NUMBL: variants seen among roughly 807,000 people sequenced by gnomAD.
NUMBL encodes numb-like protein.
NUMBL carries 20 observed loss-of-function variants against 48.9 expected under a neutral mutation model. The observed-to-expected ratio is 0.41, with a 90% CI of 0.29 to 0.59. NUMBL has a LOEUF of 0.59. Among genes scored for constraint, NUMBL ranks in the 20% least tolerant of loss-of-function variants. The probability of loss-of-function intolerance (pLI) is 0.31; values close to 1 mark genes in which losing one functional copy is unlikely to be tolerated. For missense variants in NUMBL, 660 were observed against 846.2 expected, an observed-to-expected ratio of 0.78 and a Z score of 2.73; for synonymous variants, 340 against 348.7, an observed-to-expected ratio of 0.98 and a Z score of 0.28.
In NUMBL at chr19:40,667,963, C is replaced by CTGCTGT; in HGVS notation, c.1329_1334dup (p.Gln445_Gln446dup). ...GCACTGGGGCCACTGAGGCTGCTTGCTGCTGTTGCTGCTGCTGCTGCTGCT... is the reference window on the plus strand; with the variant it reads ...GCACTGGGGCCACTGAGGCTGCTTGCTGCTGTTGCTGTTGCTGCTGCTGCTGCTGCT... On this transcript the variant is annotated inframe_insertion, in exon 10 of 10. Transcript: ENST00000252891. The surrounding 1 kb of genome is among the most constrained non-coding windows in gnomAD (Gnocchi z 6.1). 2.8e-6 allele frequency: 4 copies of CTGCTGT among 1,407,340 alleles called. No homozygotes were observed. The highest frequency in any genetic ancestry group is 2.8e-6 in the Non-Finnish European group (3 of 1,056,484). 87.2% of individuals were successfully genotyped at this position (1,407,340 alleles called of 1,614,324 possible). A position where few individuals can be genotyped will look rare whatever the true frequency, so the allele number is the denominator to read the frequency against.
Position 40,673,278 on chromosome 19 carries a change from T to C in NUMBL, c.1036+66A>G. 1 of 1,470,640 alleles carries C rather than the reference T, an allele frequency of 6.8e-7. No homozygotes were observed. Among genetic ancestry groups the C allele is most frequent in the Non-Finnish European group, 9.1e-7 (1 of 1,093,502 alleles). The allele number at this position is 1,470,640 out of a possible 1,614,324, so 91.1% of individuals were successfully genotyped here. On this transcript the variant is annotated intron_variant, in intron 8 of 9. Coordinates refer to ENST00000252891, the MANE Select transcript of NUMBL (RefSeq NM_004756.5). The surrounding 1 kb of genome is among the most constrained non-coding windows in gnomAD (Gnocchi z 5.9). ...CACAGTGTGAACCATCTCGCCTCCA[T>C]CCCTTGCCCACATCAGATAGTGCCA...
chr19:40,684,724 G>C, intron 2 of NUMBL, 168 bp from the exon 3 acceptor site: 1 of 954,220 alleles, frequency 1.0e-6, no homozygotes, highest in South Asian at 1.8e-5. Context: ...TCAAGTCAGG[G>C]GACAGTGAGG....
intron 8 of NUMBL, among the ~76,000 whole-genome samples, chr19:40,671,270 C>T (rs936925954): frequency 6.6e-6 from 1 of 152,136 alleles, no homozygotes; most frequent in Non-Finnish European, 1.5e-5. Context: ...TGAGCCACCA[C>T]GTCTGGCCAT....
chr19:40,681,107 T>C (rs1057413803), intron 5 of NUMBL, 50 bp from the exon 6 acceptor site: 12 of 1,588,680 alleles, frequency 7.6e-6, no homozygotes, highest in Non-Finnish European at 9.5e-6. Context: ...CTCTTTCAAG[T>C]GTTCACTCAA....
rs1219275849 is a variant in NUMBL, at chr19:40,673,415, T to C, written c.965A>G (p.Gln322Arg). The change falls in exon 8 of 10, where the codon CAG (glutamine) becomes CGG (arginine). Residue 322 changes from glutamine to arginine, a missense_variant. By Grantham distance (43) the Gln-to-Arg change is conservative (BLOSUM62 1). Coordinates refer to ENST00000252891, the MANE Select transcript of NUMBL (RefSeq NM_004756.5). This position sits in a 1 kb window ranked among gnomAD's most constrained non-coding sequence, Gnocchi z 5.9. ...LSQKNSPFKR[Q>R]LSLRLNELPS... Reference sequence around the variant, plus strand: ...CAGCTCATTCAGCCGTAGGCTCAGCTGCCGTTTGAAAGGCGAGTTCTTCTG... The same window carrying C: ...CAGCTCATTCAGCCGTAGGCTCAGCCGCCGTTTGAAAGGCGAGTTCTTCTG... The C allele has an allele frequency of 6.2e-7, 1 of 1,613,648 alleles. No individual in the cohort carries two copies. The highest frequency in any genetic ancestry group is 8.5e-7 in the Non-Finnish European group (1 of 1,179,822).
At chr19:40,684,820 TG>T (rs1599913691) in intron 2 of NUMBL, 4 of 363,714 alleles carry the variant, frequency 1.1e-5, no homozygotes, top group Non-Finnish European at 1.5e-5. Context: ...AGGTCTGGGG[TG>T]GGGGGTATGG....
intron 7 of NUMBL, among the ~76,000 whole-genome samples, chr19:40,674,176 A>AGTCTCCC (rs1176916934): frequency 1.4e-4 from 22 of 151,996 alleles, no homozygotes; most frequent in Non-Finnish European, 2.9e-4. Context: ...CATGCTCCAA[A>AGTCTCCC]TGACTGCCCG....
chr19:40,680,887 G>A (rs1401378675), intron 6 of NUMBL, 30 bp downstream of exon 6: 3 of 1,613,626 alleles, frequency 1.9e-6, no homozygotes, highest in Non-Finnish European at 2.5e-6. Flanking sequence ...GCATGGGAGG[G>A]AAGAGTTGGC....
rs1454022355 is a variant in NUMBL at position 40,682,867 on chromosome 19, C to T, written c.324+27G>A. ...GCCTCTCCCTGTCTGACCTTGCCCC[C>T]TCCCTCATGGCAGCCCCCTCACTCA... On this transcript the variant is annotated intron_variant, in intron 4 of 9. Coordinates refer to ENST00000252891, the MANE Select transcript of NUMBL (RefSeq NM_004756.5). The surrounding 1 kb of genome is among the most constrained non-coding windows in gnomAD (Gnocchi z 4.0). 1 of 1,614,116 alleles carries T rather than the reference C, an allele frequency of 6.2e-7. No individual in the cohort carries two copies. The highest frequency in any genetic ancestry group is 2.2e-5 in the East Asian group (1 of 44,872).
rs944725512 is a variant in NUMBL at position 40,667,258 on chromosome 19, C to T, written c.*210G>A. 1.6e-4 allele frequency: 111 copies of T among 673,698 alleles called. No individual in the cohort carries two copies. Among genetic ancestry groups the T allele is most frequent in the Non-Finnish European group, 2.2e-5 (9 of 413,922 alleles). 41.7% of individuals were successfully genotyped at this position (673,698 alleles called of 1,614,324 possible). ...TCCGGCAGTGAAATGGTTCCCTTAG[C>T]CAGGCTGGGTCCGTCCCTGAATTCC... On this transcript the variant is annotated 3_prime_UTR_variant, in exon 10 of 10. Transcript: ENST00000252891. The surrounding 1 kb of genome is among the most constrained non-coding windows in gnomAD (Gnocchi z 6.1).
In NUMBL at chr19:40,688,228, A is replaced by C. The variant is rs2081944367; in HGVS notation, c.25-1233T>G. Reference sequence around the variant, plus strand: ...CAGCTGTACCATGTCACTCCAATGCAGCGAAACATATAGCCTTTCTTCATG... The same window carrying C: ...CAGCTGTACCATGTCACTCCAATGCCGCGAAACATATAGCCTTTCTTCATG... On this transcript the variant is annotated intron_variant, in intron 1 of 9. Coordinates refer to ENST00000252891, the MANE Select transcript of NUMBL (RefSeq NM_004756.5). The surrounding 1 kb of genome is among the most constrained non-coding windows in gnomAD (Gnocchi z 4.6). Among the ~76,000 whole-genome samples the C allele has an allele frequency of 6.6e-6, 1 of 152,204 alleles. No individual in the cohort carries two copies. The highest frequency in any genetic ancestry group is 6.5e-5 in the Admixed American group (1 of 15,282).
intron 7 of NUMBL, among the ~76,000 whole-genome samples, chr19:40,675,576 A>C (rs1275476234): frequency 1.4e-5 from 2 of 142,292 alleles, no homozygotes; most frequent in Admixed American, 7.1e-5. Flanking sequence ...TTATATTTTA[A>C]ACACACACAC....
chr19:40,667,514 T>A lies in NUMBL; in HGVS notation c.1784A>T (p.Asn595Ile). The A allele has an allele frequency of 6.3e-7, 1 of 1,589,744 alleles. No individual in the cohort carries two copies. The highest frequency in any genetic ancestry group is 1.7e-4 in the Middle Eastern group (1 of 6,000). ...EGKATVEKPS[N>I]PFSGDLQKTF... ...CTTTTGCAGGTCGCCAGAAAAGGGG[T>A]TGGAGGGTTTCTCTACAGTGGCTTT... The change falls in exon 10 of 10, where the codon AAC becomes ATC. Residue 595 changes from asparagine (N) to isoleucine (I), a missense_variant. This residue lies in a region of NUMBL where 296 missense variants were observed against 339.7 expected (regional missense o/e 0.87). Transcript: ENST00000252891. This position sits in a 1 kb window ranked among gnomAD's most constrained non-coding sequence, Gnocchi z 6.1.
At chr19:40,676,357 C>A (rs1308908490) in intron 7 of NUMBL, among the ~76,000 whole-genome samples, 1 of 152,090 alleles carries the variant, frequency 6.6e-6, no homozygotes, top group East Asian at 1.9e-4. Flanking sequence ...CGCACCACTG[C>A]ACTCCAGCCT....
intron 3 of NUMBL, among the ~76,000 whole-genome samples, chr19:40,683,779 T>G (rs1004590309): frequency 5.9e-5 from 9 of 152,104 alleles, no homozygotes; most frequent in Non-Finnish European, 1.3e-4. Flanking sequence ...TGTGTTCTGG[T>G]TTTTTGTTTG....
At chr19:40,668,939 T>C (rs902362116) in intron 9 of NUMBL, among the ~76,000 whole-genome samples, 9 of 152,156 alleles carry the variant, frequency 5.9e-5, no homozygotes, top group African/African-American at 2.2e-4. Flanking sequence ...ACATTTACAG[T>C]GTTTGAGATT....
At chr19:40,674,819 T>C (rs1184903488) in intron 7 of NUMBL, among the ~76,000 whole-genome samples, 1 of 151,962 alleles carries the variant, frequency 6.6e-6, no homozygotes, top group Non-Finnish European at 1.5e-5. Flanking sequence ...TCAGTTTAGG[T>C]AGTGAATGTT....
At chr19:40,671,661 C>G (rs912341168) in intron 8 of NUMBL, among the ~76,000 whole-genome samples, 2 of 152,196 alleles carry the variant, frequency 1.3e-5, no homozygotes, top group Admixed American at 6.5e-5. Flanking sequence ...CCTTTTGGAG[C>G]AGCCCAGCCT....
chr19:40,668,881 G>GT (rs2081831219), intron 9 of NUMBL, among the ~76,000 whole-genome samples: 1 of 152,154 alleles, frequency 6.6e-6, no homozygotes, highest in Admixed American at 6.5e-5. Context: ...TCCTAACATA[G>GT]TAAGGTTTGA....
Sources: allele counts gnomAD v4.1 joint callset (sites outside exome capture counted in the v4.1 genomes callset), GRCh38; gene constraint gnomAD v4.1.1; regional missense constraint gnomAD v4.1.1; non-coding constraint Gnocchi (gnomAD v3.1); transcripts MANE v1.5; gene names NCBI Gene and HGNC (gene_info 2026-07-23, HGNC 2026-07-21).